GRIA3: variants seen among roughly 807,000 people sequenced by gnomAD.
GRIA3 encodes the protein glutamate ionotropic receptor AMPA type subunit 3.
GRIA3 carries 3 observed loss-of-function variants against 63.0 expected under a neutral mutation model. The observed-to-expected ratio is 0.05, with a 90% CI of 0.02 to 0.12. The LOEUF (loss-of-function observed/expected upper bound fraction) is 0.12, where lower values mean the gene tolerates loss of function less well. Ranked by LOEUF, GRIA3 falls within the 10% of genes least tolerant of loss-of-function variation. GRIA3 has a pLI of 1.00. For missense variants in GRIA3, 347 were observed against 700.9 expected (o/e 0.50, Z 5.70); for synonymous variants, 274 against 257.9 (o/e 1.06, Z -0.60).
rs779104146 is a variant in GRIA3 at position 123,184,595 on chromosome X, G to A, written c.60G>A (p.Leu20=). The change falls in exon 1 of 16, where the codon CTG becomes CTA. Residue 20 remains leucine (L), a synonymous_variant. Transcript: ENST00000620443. ...SVLRAVFFLV[L]GLLGHSHGGF... ...TCCGGGCGGTCTTCTTTTTAGTCCT[G>A]GGGCTTTTGGGTCATTCTCACGGAG... is the stretch of plus-strand genomic sequence containing the variant. 2.5e-6 allele frequency: 3 copies of A among 1,206,592 alleles called. No homozygotes were observed. In the African/African-American group the frequency reaches 5.3e-5, roughly 21 times the overall value.
chrX:123,470,985 G>T (rs2147438459), intron 13 of GRIA3, among the ~76,000 whole-genome samples: 1 of 112,213 alleles, frequency 8.9e-6, no homozygotes, highest in Non-Finnish European at 1.9e-5. Context: ...GGCACTTCCT[G>T]GGTCTTAGCA....
intron 2 of GRIA3, among the ~76,000 whole-genome samples, chrX:123,226,555 C>T (rs1323730078): frequency 3.6e-5 from 4 of 111,324 alleles, no homozygotes; most frequent in Non-Finnish European, 7.5e-5. Flanking sequence ...ACCCATTCTA[C>T]GATAAGGTGT....
At chrX:123,415,911 T>TA (rs1850690320) in intron 10 of GRIA3, among the ~76,000 whole-genome samples, 1 of 112,039 alleles carries the variant, frequency 8.9e-6, no homozygotes, top group African/African-American at 3.2e-5. Context: ...TTGGCTAAGG[T>TA]TGATAATTGC....
At chrX:123,344,879 A>C (rs781214604) in intron 4 of GRIA3, among the ~76,000 whole-genome samples, 1 of 111,570 alleles carries the variant, frequency 9.0e-6, no homozygotes, top group African/African-American at 3.3e-5. Flanking sequence ...ATTTATTATC[A>C]GATGGAAAGG....
At chrX:123,457,380 T>G (rs1032446614) in intron 12 of GRIA3, among the ~76,000 whole-genome samples, 1 of 111,805 alleles carries the variant, frequency 8.9e-6, no homozygotes, top group African/African-American at 3.3e-5. Flanking sequence ...GAGAAAGTGG[T>G]AGAAGATGAG....
chrX:123,483,071 A>G, intron 15 of GRIA3, 25 bp downstream of exon 15: 4 of 1,153,495 alleles, frequency 3.5e-6, no homozygotes, highest in Non-Finnish European at 3.6e-6. Flanking sequence ...TAGTAAACTA[A>G]TCAGCTTTAC....
chrX:123,209,499 A>G (rs1927982437), intron 2 of GRIA3, among the ~76,000 whole-genome samples: 1 of 111,671 alleles, frequency 9.0e-6, no homozygotes, highest in African/African-American at 3.3e-5. Context: ...CTTCTATGCA[A>G]CTAACTACAC....
rs759748251 is a variant in GRIA3, at chrX:123,255,163, T to A, written c.508+1621T>A. ...GAATACTTTAAGAATTGTGGAAAGG[T>A]TGCACTCCAGAAAAGTAGAGTTTTC... On this transcript the variant is annotated intron_variant, in intron 3 of 15. Coordinates refer to ENST00000620443, the MANE Select transcript of GRIA3 (RefSeq NM_007325.5). Among the ~76,000 whole-genome samples the A allele has an allele frequency of 6.3e-5, 7 of 111,793 alleles. No individual in the cohort carries two copies. The East Asian group carries it at 2.0e-3, about 31-fold the overall frequency.
intron 4 of GRIA3, among the ~76,000 whole-genome samples, chrX:123,351,572 G>T (rs1243258053): frequency 8.9e-6 from 1 of 111,733 alleles, no homozygotes; most frequent in African/African-American, 3.3e-5. Context: ...GAACATCCAT[G>T]ATTATACTGT....
intron 12 of GRIA3, among the ~76,000 whole-genome samples, chrX:123,431,016 A>T (rs1464458136): frequency 1.4e-5 from 1 of 70,107 alleles, no homozygotes; most frequent in Non-Finnish European, 2.9e-5. Flanking sequence ...AACAAAAAAC[A>T]GTAACTCACA....
intron 11 of GRIA3, among the ~76,000 whole-genome samples, chrX:123,427,471 T>C (rs1332491051): frequency 1.8e-5 from 2 of 111,480 alleles, no homozygotes; most frequent in Non-Finnish European, 3.8e-5. Context: ...CCAGCAAACT[T>C]CACAGGAAGA....
chrX:123,241,729 T>C (rs967008794), intron 2 of GRIA3, among the ~76,000 whole-genome samples: 3 of 110,092 alleles, frequency 2.7e-5, no homozygotes, highest in African/African-American at 9.9e-5. Flanking sequence ...TGAAGAACAG[T>C]TGGCGATAGG....
intron 2 of GRIA3, among the ~76,000 whole-genome samples, chrX:123,243,865 C>G (rs2044343743): frequency 9.0e-6 from 1 of 111,499 alleles, no homozygotes; most frequent in Admixed American, 9.5e-5. Flanking sequence ...CAATGCTTAA[C>G]CATATTATCT....
intron 12 of GRIA3, among the ~76,000 whole-genome samples, chrX:123,448,552 G>A (rs1413378631): frequency 1.8e-5 from 2 of 111,810 alleles, no homozygotes; most frequent in Non-Finnish European, 3.8e-5. Context: ...TCCTTAAGCT[G>A]TAGACCTATA....
intron 3 of GRIA3, among the ~76,000 whole-genome samples, chrX:123,291,401 C>T (rs985716277): frequency 2.7e-5 from 3 of 110,569 alleles, no homozygotes; most frequent in African/African-American, 9.9e-5. Context: ...ACAACAGACA[C>T]CGGGAACTAC....
At chrX:123,283,967 C>A (rs2044602231) in intron 3 of GRIA3, among the ~76,000 whole-genome samples, 1 of 112,723 alleles carries the variant, frequency 8.9e-6, no homozygotes, top group African/African-American at 3.2e-5. Flanking sequence ...CACCTCCCAA[C>A]AGGGGGCAAA....
chrX:123,481,298 A>T (rs2045911575), intron 14 of GRIA3, among the ~76,000 whole-genome samples: 1 of 112,314 alleles, frequency 8.9e-6, no homozygotes, highest in South Asian at 3.7e-4. Flanking sequence ...AATATTTCAT[A>T]TGTGACAGAA....
intron 2 of GRIA3, among the ~76,000 whole-genome samples, chrX:123,236,934 A>G (rs1044903662): frequency 1.8e-5 from 2 of 112,035 alleles, no homozygotes; most frequent in Non-Finnish European, 3.8e-5. Flanking sequence ...ACATTTACAC[A>G]CATGAGGCAA....
At chrX:123,426,764 AACTT>A (rs928063149) in intron 11 of GRIA3, among the ~76,000 whole-genome samples, 1 of 112,262 alleles carries the variant, frequency 8.9e-6, no homozygotes, top group African/African-American at 3.2e-5. Context: ...CCCTTATTAA[AACTT>A]ACCCATCTTC....
Sources: allele counts gnomAD v4.1 joint callset (sites outside exome capture counted in the v4.1 genomes callset), GRCh38; gene constraint gnomAD v4.1.1; transcripts MANE v1.5; gene names NCBI Gene and HGNC (gene_info 2026-07-23, HGNC 2026-07-21).